The following CTNNA3 variants were observed in gnomAD, a reference collection of about 807,000 sequenced individuals.
The protein encoded by CTNNA3 is catenin alpha 3, also known as catenin alpha-3.
Under a neutral mutation model 95.7 loss-of-function variants are expected in CTNNA3, and 76 were observed. That is an observed-to-expected ratio of 0.79 (90% CI 0.66 to 0.96). The LOEUF is 0.96. Ranked by LOEUF, CTNNA3 falls within the 40% of genes least tolerant of loss-of-function variation. The pLI is 0.00. For synonymous variants in CTNNA3, 431 were observed against 374.4 expected (o/e 1.15, Z -1.74); for missense variants, 1,191 against 1,089.8 (o/e 1.09, Z -1.31).
At chr10:66,093,707 T>C (rs1449609748) in intron 14 of CTNNA3, among the ~76,000 whole-genome samples, 2 of 152,106 alleles carry the variant, frequency 1.3e-5, no homozygotes, top group Admixed American at 1.3e-4. Flanking sequence ...TATTTCAGTG[T>C]AGTGTCTAAG....
intron 7 of CTNNA3, among the ~76,000 whole-genome samples, chr10:66,930,895 TC>T (rs1398527965): frequency 2.6e-5 from 4 of 152,138 alleles, no homozygotes; most frequent in Admixed American, 2.6e-4. Context: ...TCTTTCTTTC[TC>T]CTCACTCTTT....
chr10:66,355,031 C>G (rs1476927489), intron 12 of CTNNA3, among the ~76,000 whole-genome samples: 1 of 152,048 alleles, frequency 6.6e-6, no homozygotes, highest in African/African-American at 2.4e-5. Context: ...ATCAAATATT[C>G]AGACAGGCCA....
chr10:66,055,380 C>T (rs1255926233), intron 15 of CTNNA3, among the ~76,000 whole-genome samples: 1 of 152,030 alleles, frequency 6.6e-6, no homozygotes, highest in East Asian at 1.9e-4. Context: ...ATTTTTGTGT[C>T]CCCTTCAATT....
chr10:66,317,399 C>T (rs779937229), intron 12 of CTNNA3, among the ~76,000 whole-genome samples: 3 of 152,064 alleles, frequency 2.0e-5, no homozygotes, highest in East Asian at 3.9e-4. Context: ...TTAAGCCGGG[C>T]GTGGTGGCTC....
intron 5 of CTNNA3, among the ~76,000 whole-genome samples, chr10:67,414,917 T>C (rs1316159520): frequency 6.6e-6 from 1 of 152,220 alleles, no homozygotes; most frequent in Non-Finnish European, 1.5e-5. Context: ...GCAAAAACTA[T>C]AGGATCATCT....
chr10:66,313,302 T>C (rs994743535), intron 12 of CTNNA3, among the ~76,000 whole-genome samples: 1 of 152,178 alleles, frequency 6.6e-6, no homozygotes, highest in Non-Finnish European at 1.5e-5. Flanking sequence ...TGCCTAAGAT[T>C]TGCTTCTGTT....
chr10:67,165,859 A>G (rs1393289036), intron 7 of CTNNA3, among the ~76,000 whole-genome samples: 6 of 152,210 alleles, frequency 3.9e-5, no homozygotes, highest in African/African-American at 1.2e-4. Context: ...CAATACTTCT[A>G]AAGGAGTTGT....
chr10:66,723,389 C>G lies in CTNNA3; in HGVS notation c.1281+42875G>C, dbSNP rs1429739527. On this transcript the variant is annotated intron_variant, in intron 9 of 17. Coordinates refer to ENST00000433211, the MANE Select transcript of CTNNA3 (RefSeq NM_013266.4). ...TCCTACAATCCTCTACGAATGGAAG[C>G]AATAGCACTACAGTTAACACTCTAA... Among the ~76,000 whole-genome samples, 744 of 152,208 alleles carry G rather than the reference C, an allele frequency of 4.9e-3. 1 individual carries two copies. Among genetic ancestry groups the G allele is most frequent in the African/African-American group, 0.017 (708 of 41,534 alleles).
At chr10:66,116,362 AG>A (rs1421848731) in intron 13 of CTNNA3, among the ~76,000 whole-genome samples, 1 of 152,174 alleles carries the variant, frequency 6.6e-6, no homozygotes, top group Non-Finnish European at 1.5e-5. Flanking sequence ...CATAGAATCT[AG>A]TCATTCTACT....
At chr10:66,462,190 C>A (rs2093534480) in intron 11 of CTNNA3, among the ~76,000 whole-genome samples, 2 of 151,940 alleles carry the variant, frequency 1.3e-5, no homozygotes, top group Admixed American at 1.3e-4. Context: ...ACCTTTTTAT[C>A]CCTCAGAAAA....
intron 11 of CTNNA3, among the ~76,000 whole-genome samples, chr10:66,456,498 T>C (rs187674047): frequency 1.4e-4 from 21 of 152,170 alleles, no homozygotes; most frequent in Admixed American, 3.3e-4. Context: ...CTGGCCAACA[T>C]GGTGAAATCC....
intron 15 of CTNNA3, among the ~76,000 whole-genome samples, chr10:65,998,185 GT>G (rs1232426510): frequency 5.9e-5 from 9 of 152,098 alleles, no homozygotes; most frequent in Non-Finnish European, 1.5e-5. Context: ...TTTTCCATTT[GT>G]TTCCGGAGTG....
intron 12 of CTNNA3, among the ~76,000 whole-genome samples, chr10:66,299,800 C>T (rs920549186): frequency 1.3e-5 from 2 of 151,988 alleles, no homozygotes; most frequent in African/African-American, 4.8e-5. Context: ...TACTAAAAGG[C>T]CCACAGTAAT....
intron 9 of CTNNA3, among the ~76,000 whole-genome samples, chr10:66,678,831 G>C (rs989949655): frequency 6.6e-6 from 1 of 151,366 alleles, no homozygotes; most frequent in African/African-American, 2.4e-5. Context: ...GTGTATGAGA[G>C]TGTGTGTGTG....
intron 5 of CTNNA3, among the ~76,000 whole-genome samples, chr10:67,450,971 C>G (rs188036016): frequency 6.6e-6 from 1 of 152,088 alleles, no homozygotes; most frequent in East Asian, 1.9e-4. Context: ...CCCCAAAGTT[C>G]ATGTGTTAGA....
At chr10:66,751,071 C>G (rs1839115792) in intron 9 of CTNNA3, among the ~76,000 whole-genome samples, 1 of 152,054 alleles carries the variant, frequency 6.6e-6, no homozygotes, top group Admixed American at 6.6e-5. Context: ...AGTTCAAGAC[C>G]AGCCTGGCCA....
intron 5 of CTNNA3, among the ~76,000 whole-genome samples, chr10:67,394,067 C>T (rs376661140): frequency 6.6e-6 from 1 of 152,196 alleles, no homozygotes; most frequent in African/African-American, 2.4e-5. Context: ...CCAGCTATAA[C>T]GATGAGACCA....
chr10:66,111,149 T>C (rs1467527886), intron 13 of CTNNA3, among the ~76,000 whole-genome samples: 1 of 152,076 alleles, frequency 6.6e-6, no homozygotes, highest in African/African-American at 2.4e-5. Flanking sequence ...GGGGGCAGAT[T>C]TCCTCCTTGC....
At chr10:66,138,878 A>T (rs1327668395) in intron 13 of CTNNA3, among the ~76,000 whole-genome samples, 7 of 152,182 alleles carry the variant, frequency 4.6e-5, no homozygotes. Flanking sequence ...AATGAAATAA[A>T]AATAAAAGAT....
Sources: gnomAD v4.1 joint callset for allele counts (sites outside exome capture counted in the v4.1 genomes callset) on GRCh38, gnomAD v4.1.1 for gene constraint, MANE v1.5 for transcripts, NCBI Gene and HGNC (gene_info 2026-07-23, HGNC 2026-07-21) for gene names.